Variants in CHLSN observed in about 807,000 individuals in gnomAD.
The protein encoded by CHLSN is cholesin, also known as protein cholesin.
At chr7:1,050,555 T>TG in the CHLSN span, among the ~76,000 whole-genome samples, 1 of 152,330 alleles carries the variant, frequency 6.6e-6, no homozygotes, top group African/African-American at 2.4e-5. Flanking sequence ...GCGGATGCTC[T>TG]GCAAGTGGCG....
At chr7:1,060,777 C>T in the CHLSN span, among the ~76,000 whole-genome samples, 1 of 152,240 alleles carries the variant, frequency 6.6e-6, no homozygotes, top group Non-Finnish European at 1.5e-5. Flanking sequence ...CCTGACCTCC[C>T]TCCCAGTCCC....
chr7:1,088,747 C>T, the CHLSN span, among the ~76,000 whole-genome samples: 4 of 152,144 alleles, frequency 2.6e-5, no homozygotes, highest in Non-Finnish European at 5.9e-5. The surrounding 1 kb of genome is among the most constrained non-coding windows in gnomAD (Gnocchi z 4.5). Context: ...TAAAGTGTGG[C>T]TTTATTTCTC....
At chr7:981,761 C>T in the CHLSN span, among the ~76,000 whole-genome samples, 5 of 151,846 alleles carry the variant, frequency 3.3e-5, no homozygotes, top group East Asian at 7.7e-4. Context: ...GGTGCAGTGG[C>T]TTACACCTGC....
chr7:1,017,789 C>T, the CHLSN span, among the ~76,000 whole-genome samples: 1 of 152,338 alleles, frequency 6.6e-6, no homozygotes, highest in East Asian at 1.9e-4. Context: ...GGGTAAGGGG[C>T]TTCTCTGCCC....
the CHLSN span, among the ~76,000 whole-genome samples, chr7:1,038,671 C>T: frequency 3.3e-3 from 351 of 105,612 alleles, no homozygotes; most frequent in Admixed American, 4.0e-3. Flanking sequence ...GGGTCAGCCC[C>T]CCGCCTGGCC....
the CHLSN span, among the ~76,000 whole-genome samples, chr7:1,101,044 G>A: frequency 6.6e-6 from 1 of 152,342 alleles, no homozygotes; most frequent in East Asian, 1.9e-4. Context: ...CCCGTTTCAG[G>A]GAACACAGGC....
At chr7:1,111,423 C>T in the CHLSN span, among the ~76,000 whole-genome samples, 7 of 152,212 alleles carry the variant, frequency 4.6e-5, no homozygotes, top group Admixed American at 1.3e-4. Flanking sequence ...AAACCAACTA[C>T]TATTCTCATC....
the CHLSN span, among the ~76,000 whole-genome samples, chr7:1,063,507 G>A: frequency 3.3e-5 from 5 of 152,202 alleles, no homozygotes; most frequent in African/African-American, 4.8e-5. Flanking sequence ...CAAACATGGG[G>A]ACTGTTTCCA....
chr7:1,076,779 G>C, the CHLSN span, among the ~76,000 whole-genome samples: 1 of 152,270 alleles, frequency 6.6e-6, no homozygotes, highest in East Asian at 1.9e-4. Context: ...TCTCGGGAAA[G>C]CCGGGGGAGG....
chr7:1,002,778 GT>G, the CHLSN span, among the ~76,000 whole-genome samples: 1 of 89,674 alleles, frequency 1.1e-5, no homozygotes. Context: ...CCTTGGGTGA[GT>G]GGAGTCCTGT....
the CHLSN span, among the ~76,000 whole-genome samples, chr7:1,120,193 T>C: frequency 6.6e-6 from 1 of 152,178 alleles, no homozygotes; most frequent in Non-Finnish European, 1.5e-5. Context: ...ACATACTCAG[T>C]ATGACAAGAC....
At chr7:1,038,221 C>G in the CHLSN span, among the ~76,000 whole-genome samples, 1 of 91,594 alleles carries the variant, frequency 1.1e-5, no homozygotes, top group South Asian at 4.0e-4. Context: ...GTCAGCCCCC[C>G]CGACCGGCCA....
At chr7:1,130,723 C>CG in the CHLSN span, among the ~76,000 whole-genome samples, 58 of 146,232 alleles carry the variant, frequency 4.0e-4, no homozygotes, top group East Asian at 1.8e-3. Context: ...CGGGTGGGGG[C>CG]GGGGGGGTGC....
At chr7:1,013,954 T>TCAA in the CHLSN span, among the ~76,000 whole-genome samples, 1 of 152,186 alleles carries the variant, frequency 6.6e-6, no homozygotes, top group African/African-American at 2.4e-5. Context: ...ATGAAAAGCT[T>TCAA]TACGCAGGAC....
At chr7:1,008,895 C>CACACGT in the CHLSN span, among the ~76,000 whole-genome samples, 8 of 70,308 alleles carry the variant, frequency 1.1e-4, no homozygotes, top group Non-Finnish European at 1.4e-4. Flanking sequence ...TATACACATG[C>CACACGT]ACACACGTAC....
At chr7:1,070,697 C>T in the CHLSN span, among the ~76,000 whole-genome samples, 1 of 147,582 alleles carries the variant, frequency 6.8e-6, no homozygotes, top group Non-Finnish European at 1.5e-5. Context: ...CACATGCACA[C>T]GCGAGCACAT....
chr7:1,068,179 C>A, the CHLSN span, among the ~76,000 whole-genome samples: 4 of 152,186 alleles, frequency 2.6e-5, no homozygotes, highest in Non-Finnish European at 5.9e-5. Flanking sequence ...CAGGTCTCCA[C>A]TGGCTCCTCA....
At chr7:1,044,854 C>T in the CHLSN span, among the ~76,000 whole-genome samples, 1,122 of 152,364 alleles carry the variant, frequency 7.4e-3, 6 homozygotes, top group Non-Finnish European at 0.012. Flanking sequence ...GGCCGCGCTC[C>T]GAGCTGAGCC....
chr7:1,113,222 T>A, the CHLSN span, among the ~76,000 whole-genome samples: 18 of 152,050 alleles, frequency 1.2e-4, no homozygotes, highest in South Asian at 8.3e-4. Context: ...TTTTTTTTTT[T>A]AATTTACTAA....
Sources: allele counts gnomAD v4.1 joint callset (sites outside exome capture counted in the v4.1 genomes callset), GRCh38; gene constraint gnomAD v4.1.1; non-coding constraint Gnocchi (gnomAD v3.1); transcripts MANE v1.5; gene names NCBI Gene and HGNC (gene_info 2026-07-23, HGNC 2026-07-21).